PLD5: variants seen among roughly 807,000 people sequenced by gnomAD.
PLD5 encodes the protein phospholipase D family member 5, also known as inactive phospholipase D5.
Under a neutral mutation model 61.1 loss-of-function variants are expected in PLD5, and 36 were observed. The ratio of observed to expected loss-of-function variants is 0.59; its 90% CI spans 0.45 to 0.78. The LOEUF (loss-of-function observed/expected upper bound fraction) is 0.78, where lower values mean the gene tolerates loss of function less well. Ranked by LOEUF, PLD5 falls within the 30% of genes least tolerant of loss-of-function variation. The pLI is 0.00. For missense variants in PLD5, 515 were observed against 644.4 expected, an observed-to-expected ratio of 0.80 and a Z score of 2.17; for synonymous variants, 243 against 242.8, an observed-to-expected ratio of 1.00 and a Z score of -0.01.
At chr1:242,303,005 G>A (rs1676151045) in intron 2 of PLD5, among the ~76,000 whole-genome samples, 1 of 152,004 alleles carries the variant, frequency 6.6e-6, no homozygotes, top group Non-Finnish European at 1.5e-5. Flanking sequence ...ATGGAGTAGG[G>A]GACCGAATAT....
At chr1:242,496,300 G>A (rs897352464) in intron 1 of PLD5, among the ~76,000 whole-genome samples, 1 of 152,162 alleles carries the variant, frequency 6.6e-6, no homozygotes, top group Non-Finnish European at 1.5e-5. Flanking sequence ...AAGATGGAAG[G>A]CAACTTTGAA....
intron 4 of PLD5, among the ~76,000 whole-genome samples, chr1:242,236,192 C>T (rs1291869327): frequency 6.6e-6 from 1 of 152,160 alleles, no homozygotes; most frequent in Non-Finnish European, 1.5e-5. Flanking sequence ...ATGGAATCTG[C>T]CAGCACCTTG....
rs1553324986 is a variant in PLD5, at chr1:242,207,928, A to ATATT, written c.735+12056_735+12059dup. On this transcript the variant is annotated intron_variant, in intron 5 of 9. Coordinates refer to ENST00000536534, the MANE Select transcript of PLD5 (RefSeq NM_001372062.1). The stretch of plus-strand genomic sequence containing the variant: ...TTTATATATATTTATATATTTATAT[A>ATATT]TATTTATATATTTATATATATTTAT... Among the ~76,000 whole-genome samples the ATATT allele has an allele frequency of 8.2e-5, 2 of 24,524 alleles. 1 individual carries two copies. The highest frequency in any genetic ancestry group is 5.2e-4 in the African/African-American group (2 of 3,830). The allele number at this position is 24,524 out of a possible 152,430, so 16.1% of individuals were successfully genotyped here. A position where few individuals can be genotyped will look rare whatever the true frequency, so the allele number is the denominator to read the frequency against.
chr1:242,274,622 C>T lies in PLD5; in HGVS notation c.496-9174G>A, dbSNP rs566491001. On this transcript the variant is annotated intron_variant, in intron 3 of 9. Transcript: ENST00000536534. ...ACAAAAAATTAGCCAGGTGTGGTGG[C>T]GGGCGCCTGTAGTCCCAGCTACTCA... Among the ~76,000 whole-genome samples, 92 of 152,110 alleles carry T rather than the reference C, an allele frequency of 6.0e-4. 1 individual carries two copies. In the East Asian group the frequency reaches 0.011, roughly 19 times the overall value.
At chr1:242,519,268 G>A (rs1302558415) in intron 1 of PLD5, among the ~76,000 whole-genome samples, 1 of 152,152 alleles carries the variant, frequency 6.6e-6, no homozygotes. Flanking sequence ...GTGACCAAGT[G>A]TGCTCCAATC....
chr1:242,410,411 ATTT>A (rs35726840), intron 1 of PLD5, among the ~76,000 whole-genome samples: 2 of 151,178 alleles, frequency 1.3e-5, no homozygotes, highest in African/African-American at 4.9e-5. Context: ...ATATAATGCC[ATTT>A]TTTTTTTCCA....
At chr1:242,108,631 A>C (rs1380827373) in intron 7 of PLD5, among the ~76,000 whole-genome samples, 1 of 152,160 alleles carries the variant, frequency 6.6e-6, no homozygotes, top group African/African-American at 2.4e-5. Context: ...TGTTAAAACA[A>C]AAAGCTTTCC....
At chr1:242,304,078 A>G (rs115907524) in intron 2 of PLD5, among the ~76,000 whole-genome samples, 1,997 of 152,286 alleles carry the variant, frequency 0.013, 55 homozygotes, top group African/African-American at 0.046. Flanking sequence ...GTGCCTCAAT[A>G]AGACTCCTCA....
chr1:242,392,218 G>T (rs1662974204), intron 1 of PLD5, among the ~76,000 whole-genome samples: 1 of 152,116 alleles, frequency 6.6e-6, no homozygotes, highest in African/African-American at 2.4e-5. Context: ...GGTACATATG[G>T]ATATAAAGAT....
At chr1:242,384,855 A>G (rs61848721) in intron 1 of PLD5, among the ~76,000 whole-genome samples, 18,351 of 152,248 alleles carry the variant, frequency 0.12, 1,172 homozygotes, top group Admixed American at 0.16. Context: ...ATATACCTTC[A>G]CTAAAAGAAA....
At chr1:242,462,691 G>A (rs1371075499) in intron 1 of PLD5, among the ~76,000 whole-genome samples, 2 of 151,968 alleles carry the variant, frequency 1.3e-5, no homozygotes, top group Non-Finnish European at 2.9e-5. Context: ...AGGGGAGGCT[G>A]TGTTTTCTCC....
chr1:242,389,564 AG>A lies in PLD5; in HGVS notation c.190-41323del, dbSNP rs555581457. 8.5e-3 allele frequency among the ~76,000 whole-genome samples: 1,286 copies of A among 151,864 alleles called. 15 individuals carry two copies. The highest frequency in any genetic ancestry group is 0.014 in the Non-Finnish European group (924 of 67,962). On this transcript the variant is annotated intron_variant, in intron 1 of 9. Coordinates refer to ENST00000536534, the MANE Select transcript of PLD5 (RefSeq NM_001372062.1). ...AAAAATAAAACTCTCAAATACTCTG[AG>A]GGGGGGAAAATCTGTTTAAGGTTTT... is the stretch of plus-strand genomic sequence containing the variant.
At chr1:242,281,749 A>T (rs2149128169) in intron 3 of PLD5, among the ~76,000 whole-genome samples, 1 of 152,246 alleles carries the variant, frequency 6.6e-6, no homozygotes, top group South Asian at 2.1e-4. Flanking sequence ...GTCCTTCTAG[A>T]TGTTTTCCAA....
At chr1:242,464,238 C>G (rs1667208348) in intron 1 of PLD5, among the ~76,000 whole-genome samples, 3 of 152,126 alleles carry the variant, frequency 2.0e-5, no homozygotes, top group Non-Finnish European at 4.4e-5. Context: ...TTATTGTCCC[C>G]TAGTCCCAAG....
At chr1:242,115,665 A>AAAAAAAAAAAATCGT in intron 6 of PLD5, among the ~76,000 whole-genome samples, 1 of 125,162 alleles carries the variant, frequency 8.0e-6, no homozygotes, top group African/African-American at 3.6e-5. Context: ...CTAAAAAAAA[A>AAAAAAAAAAAATCGT]AAAATCTTGG....
At chr1:242,153,830 A>G (rs1665132293) in intron 5 of PLD5, among the ~76,000 whole-genome samples, 1 of 152,172 alleles carries the variant, frequency 6.6e-6, no homozygotes, top group Non-Finnish European at 1.5e-5. Flanking sequence ...TATCTTGGCT[A>G]TGTGGGCTCT....
At chr1:242,486,453 T>A (rs1667964230) in intron 1 of PLD5, among the ~76,000 whole-genome samples, 1 of 151,940 alleles carries the variant, frequency 6.6e-6, no homozygotes, top group Admixed American at 6.6e-5. Context: ...AAAAGACACA[T>A]GAAAAAATGC....
At chr1:242,191,209 T>C (rs1366774637) in intron 5 of PLD5, among the ~76,000 whole-genome samples, 1 of 151,438 alleles carries the variant, frequency 6.6e-6, no homozygotes, top group Admixed American at 6.6e-5. Flanking sequence ...AAACAAAATA[T>C]AGTTTTAGAA....
intron 4 of PLD5, among the ~76,000 whole-genome samples, chr1:242,244,186 T>C (rs1480279656): frequency 6.6e-6 from 1 of 152,210 alleles, no homozygotes; most frequent in Non-Finnish European, 1.5e-5. Context: ...TTCTTTGTGA[T>C]AGCATGGGAA....
Sources: gnomAD v4.1 joint callset for allele counts (sites outside exome capture counted in the v4.1 genomes callset) on GRCh38, gnomAD v4.1.1 for gene constraint, MANE v1.5 for transcripts, NCBI Gene and HGNC (gene_info 2026-07-23, HGNC 2026-07-21) for gene names.